Variants in ZNF37A observed in about 807,000 individuals in gnomAD.
ZNF37A encodes the protein zinc finger protein 37a (KOX 21).
ZNF37A carries 10 observed loss-of-function variants against 12.3 expected under a neutral mutation model. That is an observed-to-expected ratio of 0.82 (90% CI 0.50 to 1.38). ZNF37A has a LOEUF of 1.38. ZNF37A is among the 40% of genes most tolerant of loss of function. ZNF37A has a pLI of 0.00. For missense variants in ZNF37A, 580 were observed against 651.2 expected, an observed-to-expected ratio of 0.89 and a Z score of 1.19; for synonymous variants, 207 against 223.0, an observed-to-expected ratio of 0.93 and a Z score of 0.64.
chr10:38,121,072 A>T lies in ZNF37A; in HGVS notation c.*2235A>T, dbSNP rs2069664737. 2 of 152,308 alleles carry T rather than the reference A, an allele frequency of 1.3e-5. No homozygotes were observed. The highest frequency in any genetic ancestry group is 3.4e-3 in the Middle Eastern group (1 of 294). 9.4% of individuals were successfully genotyped at this position (152,308 alleles called of 1,614,324 possible). A position where few individuals can be genotyped will look rare whatever the true frequency, so the allele number is the denominator to read the frequency against. ...CTTGCTTAGAAAGAAAACTCTAGGA[A>T]CAGATGGCTTCACTGAAGTTATTCC... On this transcript the variant is annotated 3_prime_UTR_variant, in exon 8 of 8. Coordinates refer to ENST00000685332, the MANE Select transcript of ZNF37A (RefSeq NM_001324250.3).
intron 7 of ZNF37A, chr10:38,141,210 C>T (rs551627362): frequency 6.6e-6 from 1 of 152,110 alleles, no homozygotes; most frequent in South Asian, 2.1e-4. Context: ...GTTTAATTTT[C>T]CTCTCCTTAA....
chr10:38,131,759 A>T (rs148716060), intron 7 of ZNF37A, among the ~76,000 whole-genome samples: 1 of 152,178 alleles, frequency 6.6e-6, no homozygotes, highest in Admixed American at 6.5e-5. Flanking sequence ...GTCTTCCTAT[A>T]CACAAACAGG....
intron 7 of ZNF37A, among the ~76,000 whole-genome samples, chr10:38,130,627 A>T (rs886672284): frequency 5.3e-5 from 8 of 151,384 alleles, no homozygotes; most frequent in Admixed American, 6.6e-5. Context: ...TGCCCAGCTA[A>T]GTTTTGCATT....
intron 5 of ZNF37A, among the ~76,000 whole-genome samples, chr10:38,101,219 T>A (rs2067542112): frequency 6.6e-6 from 1 of 152,178 alleles, no homozygotes; most frequent in South Asian, 2.1e-4. Context: ...TGCCTGTGGT[T>A]TTTGGTATTA....
chr10:38,130,628 G>A (rs1590941056), intron 7 of ZNF37A, among the ~76,000 whole-genome samples: 1 of 151,240 alleles, frequency 6.6e-6, no homozygotes, highest in Non-Finnish European at 1.5e-5. Flanking sequence ...GCCCAGCTAA[G>A]TTTTGCATTT....
rs188512469 is a variant in ZNF37A, at chr10:38,101,195, A to T, written c.15+4563A>T. Among the ~76,000 whole-genome samples the T allele has an allele frequency of 3.0e-3, 454 of 152,186 alleles. 1 individual carries two copies. The highest frequency in any genetic ancestry group is 6.8e-3 in the Middle Eastern group (2 of 292). On this transcript the variant is annotated intron_variant, in intron 5 of 7. Transcript: ENST00000685332. ...TTTTAAGTTTGATATAGTCCAATTT[A>T]TTTTTACTACTGTTGCCTGTGGTTT...
intron 5 of ZNF37A, among the ~76,000 whole-genome samples, chr10:38,114,472 C>T (rs1253012174): frequency 6.6e-6 from 1 of 152,102 alleles, no homozygotes; most frequent in African/African-American, 2.4e-5. Flanking sequence ...AAGGAAGACT[C>T]CTGTGTTCAA....
chr10:38,148,282 G>C (rs2070279317), exon 8 of ZNF37A: 1 of 152,254 alleles, frequency 6.6e-6, no homozygotes, highest in South Asian at 2.1e-4. Context: ...TGTCACATGA[G>C]TGGGTGAAGA....
At chr10:38,138,722 C>T (rs1340505328) in intron 7 of ZNF37A, 1 of 152,122 alleles carries the variant, frequency 6.6e-6, no homozygotes, top group Non-Finnish European at 1.5e-5. Context: ...GAACAAACAG[C>T]ATTGAGTCTG....
chr10:38,115,062 ATGAAGTGTGTGTGTG>A (rs1190757113), intron 6 of ZNF37A, 118 bp from the exon 7 acceptor site: 7 of 1,000,860 alleles, frequency 7.0e-6, no homozygotes, highest in Non-Finnish European at 8.6e-6. Context: ...ACAGGATTAA[ATGAAGTGTGTGTGTG>A]TGTGTGTGTG....
At chr10:38,096,911 C>T (rs544401389) in intron 5 of ZNF37A, among the ~76,000 whole-genome samples, 33 of 152,270 alleles carry the variant, frequency 2.2e-4, no homozygotes, top group African/African-American at 7.7e-4. Context: ...CAGCTATACT[C>T]ATGTATTTAT....
In ZNF37A at chr10:38,112,776, T is replaced by G. The variant is rs1180148184; in HGVS notation, c.16-1979T>G. On this transcript the variant is annotated intron_variant, in intron 5 of 7. Transcript: ENST00000685332. ...TTTTCTTTTCTTTTCTTTTCTTTTC[T>G]TTTCTTTTCTTTTCTTTTCTTGTCT... 1.5e-4 allele frequency among the ~76,000 whole-genome samples: 21 copies of G among 137,198 alleles called. 3 individuals carry two copies. The highest frequency in any genetic ancestry group is 6.1e-4 in the East Asian group (3 of 4,914). 90.0% of individuals were successfully genotyped at this position (137,198 alleles called of 152,430 possible).
chr10:38,136,037 C>T (rs192308934), intron 7 of ZNF37A, among the ~76,000 whole-genome samples: 1 of 152,224 alleles, frequency 6.6e-6, no homozygotes, highest in African/African-American at 2.4e-5. Flanking sequence ...GAAAAATGAA[C>T]CCCTTTAGCT....
In ZNF37A at chr10:38,118,296, C is replaced by T. The variant is rs144692082; in HGVS notation, c.1145C>T (p.Pro382Leu). The T allele has an allele frequency of 1.7e-4, 278 of 1,613,742 alleles. No homozygotes were observed. The highest frequency in any genetic ancestry group is 9.9e-4 in the Middle Eastern group (6 of 6,084). Reference sequence around the variant, plus strand: ...CAGAAAACACACACAGGGGAGAAGCCCTATGAATGCTATGCATGTGGGAAA... The same window carrying T: ...CAGAAAACACACACAGGGGAGAAGCTCTATGAATGCTATGCATGTGGGAAA... ...VHQKTHTGEK[P>L]YECYACGKAF... The change falls in exon 8 of 8, where the codon CCC becomes CTC. Residue 382 changes from proline to leucine, a missense_variant. Physicochemically the swap from Pro to Leu is moderately conservative, Grantham distance 98 (BLOSUM62 -3). Transcript: ENST00000685332.
intron 7 of ZNF37A, among the ~76,000 whole-genome samples, chr10:38,132,452 G>A (rs1271580084): frequency 6.6e-6 from 1 of 152,014 alleles, no homozygotes; most frequent in Non-Finnish European, 1.5e-5. Context: ...TGGGATAAAT[G>A]CTATTCACTC....
At chr10:38,103,532 T>G (rs1233914094) in intron 5 of ZNF37A, among the ~76,000 whole-genome samples, 2 of 152,204 alleles carry the variant, frequency 1.3e-5, no homozygotes, top group Non-Finnish European at 2.9e-5. Flanking sequence ...AAGACCAGTA[T>G]CAAAGGTGTC....
chr10:38,133,108 G>T (rs1374450983), intron 7 of ZNF37A, among the ~76,000 whole-genome samples: 1 of 152,154 alleles, frequency 6.6e-6, no homozygotes, highest in East Asian at 1.9e-4. Flanking sequence ...CTATTTGCAT[G>T]TAATATATTT....
At chr10:38,115,334 A>C in intron 7 of ZNF37A, 44 bp downstream of exon 7, 1 of 1,595,084 alleles carries the variant, frequency 6.3e-7, no homozygotes. Context: ...AAGGTAGATC[A>C]CAAAGGGTAA....
At chr10:38,124,665 A>G (rs2069894041), downstream of ZNF37A, 1 of 152,208 alleles carries the variant, frequency 6.6e-6, no homozygotes, top group Non-Finnish European at 1.5e-5. Context: ...TGTTTCTATA[A>G]ATTTAATACA....
Sources: allele counts gnomAD v4.1 joint callset (sites outside exome capture counted in the v4.1 genomes callset), GRCh38; gene constraint gnomAD v4.1.1; transcripts MANE v1.5; gene names NCBI Gene and HGNC (gene_info 2026-07-23, HGNC 2026-07-21).